The following ERICH2 variants were observed in gnomAD, a reference collection of about 807,000 sequenced individuals.
The protein encoded by ERICH2 is glutamate-rich protein 2.
ERICH2 carries 17 observed loss-of-function variants against 17.4 expected under a neutral mutation model. The ratio of observed to expected loss-of-function variants is 0.98; its 90% CI spans 0.67 to 1.47. The LOEUF (loss-of-function observed/expected upper bound fraction) is 1.47. Among genes scored for constraint, ERICH2 ranks in the 40% most tolerant of loss-of-function variants. The probability of loss-of-function intolerance (pLI) is 0.00; values close to 1 mark genes in which losing one functional copy is unlikely to be tolerated. For synonymous variants in ERICH2, 51 were observed against 61.1 expected (o/e 0.83, Z 0.77); for missense variants, 186 against 183.2 (o/e 1.01, Z -0.09).
chr2:170,779,986 C>T (rs55693618), upstream of ERICH2: 102,103 of 369,712 alleles, frequency 0.28, 15,288 homozygotes, highest in South Asian at 0.33. Context: ...AGAATTATTT[C>T]AGTAGAAGTT....
chr2:170,779,789 C>CAA, upstream of ERICH2: 1 of 968,154 alleles, frequency 1.0e-6, no homozygotes, highest in South Asian at 4.8e-5. Flanking sequence ...TTTTATACCT[C>CAA]AAGTAAATGC....
At chr2:170,770,446 T>C in the ERICH2 span, among the ~76,000 whole-genome samples, 2 of 152,144 alleles carry the variant, frequency 1.3e-5, no homozygotes, top group Admixed American at 6.5e-5. Context: ...GCCGGGTCTC[T>C]GGTTCTAATC....
chr2:170,776,440 C>A, the ERICH2 span, among the ~76,000 whole-genome samples: 1 of 152,254 alleles, frequency 6.6e-6, no homozygotes, highest in South Asian at 2.1e-4. Flanking sequence ...TGCAGTGGTG[C>A]GATCTCGGCT....
At chr2:170,793,391 T>G (rs1161156890) in intron 3 of ERICH2, among the ~76,000 whole-genome samples, 1 of 152,154 alleles carries the variant, frequency 6.6e-6, no homozygotes, top group African/African-American at 2.4e-5. Flanking sequence ...ACAGATAGTG[T>G]GTCATGAATG....
intron 3 of ERICH2, among the ~76,000 whole-genome samples, chr2:170,796,444 T>TG (rs1559257289): frequency 2.3e-5 from 3 of 129,270 alleles, no homozygotes; most frequent in East Asian, 4.3e-4. Flanking sequence ...TTTTTTGTTT[T>TG]TTTTTTTTTG....
At position 170,788,722 on chromosome 2, in the gene ERICH2, C is replaced by A. The variant is rs559698977; in HGVS notation, c.216+3889C>A. Among the ~76,000 whole-genome samples the A allele has an allele frequency of 8.9e-4, 136 of 151,966 alleles. 1 individual carries two copies. The highest frequency in any genetic ancestry group is 4.1e-4 in the Non-Finnish European group (28 of 67,982). On this transcript the variant is annotated intron_variant, in intron 2 of 4. Coordinates refer to ENST00000409885, the Ensembl canonical transcript of ERICH2. Reference sequence around the variant, plus strand: ...TCAATCTCCTGACCTTGTGATTCACCTCCCTTGGCCTCCCAAAGTGCTGGG... The same window carrying A: ...TCAATCTCCTGACCTTGTGATTCACATCCCTTGGCCTCCCAAAGTGCTGGG...
chr2:170,771,722 C>T, the ERICH2 span, among the ~76,000 whole-genome samples: 7 of 152,210 alleles, frequency 4.6e-5, no homozygotes, highest in Admixed American at 6.5e-5. The surrounding 1 kb of genome is among the most constrained non-coding windows in gnomAD (Gnocchi z 4.8). Flanking sequence ...CATTTATATT[C>T]CCGGGCCTTA....
chr2:170,794,386 G>A (rs1488230436), intron 3 of ERICH2, among the ~76,000 whole-genome samples: 1 of 151,838 alleles, frequency 6.6e-6, no homozygotes, highest in Non-Finnish European at 1.5e-5. Context: ...GGGATTACAG[G>A]GTGAGCCATA....
At chr2:170,787,685 C>G (rs73021408) in intron 2 of ERICH2, among the ~76,000 whole-genome samples, 1,659 of 152,332 alleles carry the variant, frequency 0.011, 32 homozygotes, top group African/African-American at 0.038. Flanking sequence ...ACTCCCTCCT[C>G]TTTTGAAAAT....
the ERICH2 span, among the ~76,000 whole-genome samples, chr2:170,771,697 G>A: frequency 6.6e-6 from 1 of 152,170 alleles, no homozygotes; most frequent in African/African-American, 2.4e-5. The surrounding 1 kb of genome is among the most constrained non-coding windows in gnomAD (Gnocchi z 4.8). Flanking sequence ...AAATTTCGAT[G>A]GAATTTGGAC....
intron 3 of ERICH2, among the ~76,000 whole-genome samples, chr2:170,793,382 C>A (rs1297484780): frequency 6.6e-6 from 1 of 152,176 alleles, no homozygotes; most frequent in Non-Finnish European, 1.5e-5. Flanking sequence ...AGACAATAAA[C>A]AGATAGTGTG....
chr2:170,792,972 T>C (rs1701326208), intron 3 of ERICH2, 52 bp downstream of exon 8: 2 of 1,101,488 alleles, frequency 1.8e-6, no homozygotes, highest in Non-Finnish European at 2.6e-6. Context: ...TTTTCAAAAA[T>C]GAATTCCGTA....
intron 1 of ERICH2, 82 bp from the exon 7 acceptor site, chr2:170,784,564 A>G (rs536487203): frequency 1.5e-6 from 1 of 665,370 alleles, no homozygotes; most frequent in Admixed American, 3.7e-5. Flanking sequence ...TATCAGTTTA[A>G]TGAATAGTAA....
At chr2:170,796,452 T>TTTC (rs373654461) in intron 3 of ERICH2, among the ~76,000 whole-genome samples, 108 of 138,380 alleles carry the variant, frequency 7.8e-4, no homozygotes, top group Middle Eastern at 7.5e-3. Flanking sequence ...TTTTTTTTTT[T>TTTC]TGAGACAGCG....
At chr2:170,796,424 CTT>C (rs869036308) in intron 3 of ERICH2, among the ~76,000 whole-genome samples, 3 of 12,714 alleles carry the variant, frequency 2.4e-4, no homozygotes, top group East Asian at 2.0e-3. Context: ...CTCTCTCTCT[CTT>C]TGTTTTTTTT....
chr2:170,780,273 T>C (rs1339837301), upstream of ERICH2, among the ~76,000 whole-genome samples: 1 of 152,164 alleles, frequency 6.6e-6, no homozygotes, highest in Non-Finnish European at 1.5e-5. Flanking sequence ...TTACCATAAA[T>C]AACATCACTT....
chr2:170,790,302 C>T (rs1225417376), intron 2 of ERICH2, among the ~76,000 whole-genome samples: 1 of 152,018 alleles, frequency 6.6e-6, no homozygotes, highest in East Asian at 1.9e-4. Context: ...CAAGACCGGC[C>T]TGGCCAACAT....
intron 2 of ERICH2, among the ~76,000 whole-genome samples, chr2:170,791,559 A>G (rs1039513039): frequency 3.5e-5 from 5 of 143,284 alleles, no homozygotes; most frequent in African/African-American, 7.8e-5. Context: ...GCGTGGTGGC[A>G]GGCGCCTGTA....
exon 5 of ERICH2, chr2:170,798,857 G>A (rs1365638672): frequency 1.3e-6 from 2 of 1,550,666 alleles, no homozygotes; most frequent in Admixed American, 3.9e-5. Context: ...GAGGAGCTGA[G>A]TGACGAGAGC....
Sources: gnomAD v4.1 joint callset for allele counts (sites outside exome capture counted in the v4.1 genomes callset) on GRCh38, gnomAD v4.1.1 for gene constraint, Gnocchi (gnomAD v3.1) non-coding constraint, MANE v1.5 for transcripts, NCBI Gene and HGNC (gene_info 2026-07-23, HGNC 2026-07-21) for gene names.